WDSUB1: variants seen among roughly 807,000 people sequenced by gnomAD.
WDSUB1 encodes WD repeat, SAM and U-box domain-containing protein 1.
A neutral mutation model predicts 53.9 loss-of-function variants in WDSUB1; 49 were observed. The observed-to-expected ratio is 0.91, with a 90% CI of 0.72 to 1.15. The LOEUF is 1.15. Among genes scored for constraint, WDSUB1 ranks in the 50% most tolerant of loss-of-function variants. WDSUB1 has a pLI of 0.00. For synonymous variants in WDSUB1, 194 were observed against 200.6 expected (o/e 0.97, Z 0.28); for missense variants, 514 against 562.0 (o/e 0.91, Z 0.86).
chr2:159,239,449 G>T (rs569457498), intron 10 of WDSUB1, among the ~76,000 whole-genome samples: 5 of 151,832 alleles, frequency 3.3e-5, no homozygotes, highest in Non-Finnish European at 7.4e-5. Context: ...TATTCTTTTG[G>T]GCTTTCTACA....
Position 159,248,445 on chromosome 2 carries a change from A to T in WDSUB1, c.1200T>A (p.Leu400=), listed in dbSNP as rs2060871306. 1 of 1,606,120 alleles carries T rather than the reference A, an allele frequency of 6.2e-7. No homozygotes were observed. The highest frequency in any genetic ancestry group is 1.3e-5 in the African/African-American group (1 of 74,318). Residue 400 remains leucine (L), a synonymous_variant, in exon 10 of 11, where the codon CTT becomes CTA. Transcript: ENST00000359774. ...TAAATTCATCAGGAATTCCTGAAGA[A>T]AGGGATTTAACCTTGGTCCTGAGCT... is the stretch of plus-strand genomic sequence containing the variant. The part of the protein sequence containing the change: ...IEELRTKVKS[L]SSGIPDEFIC...
intron 9 of WDSUB1, among the ~76,000 whole-genome samples, chr2:159,250,816 G>T (rs1300783326): frequency 6.6e-6 from 1 of 152,306 alleles, no homozygotes; most frequent in East Asian, 1.9e-4. Flanking sequence ...ATTAGAGGAT[G>T]AGATGGTAGA....
intron 1 of WDSUB1, among the ~76,000 whole-genome samples, chr2:159,284,811 C>T (rs2061752598): frequency 6.6e-6 from 1 of 152,216 alleles, no homozygotes; most frequent in African/African-American, 2.4e-5. Flanking sequence ...CTTCTCAGAT[C>T]TCAACTCTGG....
chr2:159,264,629 T>C (rs2061298899), intron 5 of WDSUB1, among the ~76,000 whole-genome samples: 1 of 152,164 alleles, frequency 6.6e-6, no homozygotes, highest in South Asian at 2.1e-4. Context: ...CGCTGGGCCA[T>C]GGAGCTGAGC....
intron 5 of WDSUB1, among the ~76,000 whole-genome samples, chr2:159,262,601 T>C (rs563072688): frequency 5.9e-5 from 9 of 152,330 alleles, no homozygotes; most frequent in Admixed American, 5.2e-4. Context: ...TCACTTCCTA[T>C]TGCCTTTAGT....
intron 5 of WDSUB1, among the ~76,000 whole-genome samples, chr2:159,261,814 A>T (rs2061194074): frequency 7.7e-6 from 1 of 130,622 alleles, no homozygotes; most frequent in Admixed American, 8.2e-5. Flanking sequence ...AGATTATATG[A>T]TGAGATGAAA....
intron 9 of WDSUB1, among the ~76,000 whole-genome samples, chr2:159,250,111 G>C (rs1451265991): frequency 1.1e-5 from 1 of 92,776 alleles, no homozygotes; most frequent in Non-Finnish European, 3.1e-5. Flanking sequence ...AAAAAAAGAA[G>C]GGAAGGGAAA....
intron 9 of WDSUB1, 83 bp downstream of exon 9, chr2:159,256,112 GA>G: frequency 3.0e-6 from 4 of 1,323,434 alleles, no homozygotes; most frequent in Non-Finnish European, 4.1e-6. Context: ...ACATTAAGAA[GA>G]AACCATTAAT....
At chr2:159,285,405 T>C (rs2061770090) in intron 1 of WDSUB1, among the ~76,000 whole-genome samples, 1 of 111,640 alleles carries the variant, frequency 9.0e-6, no homozygotes, top group Non-Finnish European at 1.9e-5. Flanking sequence ...CGGAAACACC[T>C]CTACCAAAGA....
chr2:159,245,332 A>G (rs1470410217), intron 10 of WDSUB1, among the ~76,000 whole-genome samples: 1 of 152,136 alleles, frequency 6.6e-6, no homozygotes, highest in African/African-American at 2.4e-5. Flanking sequence ...GTTCAAGACC[A>G]GCCTGACCAA....
intron 10 of WDSUB1, among the ~76,000 whole-genome samples, chr2:159,247,721 A>T (rs1382971951): frequency 6.6e-6 from 1 of 151,108 alleles, no homozygotes; most frequent in Non-Finnish European, 1.5e-5. Flanking sequence ...TTACAGTGTA[A>T]AGATTTGCAA....
At chr2:159,246,853 C>G (rs1199208580) in intron 10 of WDSUB1, among the ~76,000 whole-genome samples, 1 of 152,154 alleles carries the variant, frequency 6.6e-6, no homozygotes, top group East Asian at 1.9e-4. Context: ...ATCTGGAAAG[C>G]TGAGAAAAAG....
chr2:159,246,356 C>T (rs7573995), intron 10 of WDSUB1, among the ~76,000 whole-genome samples: 53,083 of 149,022 alleles, frequency 0.36, 12,299 homozygotes, highest in Non-Finnish European at 0.54. Flanking sequence ...GGTGTGAACC[C>T]GAGAGGCGGA....
chr2:159,247,916 T>TAA (rs2060848782), intron 10 of WDSUB1, among the ~76,000 whole-genome samples: 1 of 73,502 alleles, frequency 1.4e-5, no homozygotes, highest in African/African-American at 7.6e-5. Flanking sequence ...TATAAATATA[T>TAA]ATATATATAT....
At position 159,236,208 on chromosome 2, in the gene WDSUB1, C is replaced by G; in HGVS notation, c.1274-18G>C. The G allele has an allele frequency of 6.3e-7, 1 of 1,583,398 alleles. No individual in the cohort carries two copies. The highest frequency in any genetic ancestry group is 1.2e-5 in the South Asian group (1 of 86,324). On this transcript the variant is annotated intron_variant, in intron 10 of 10. Transcript: ENST00000359774. Reference sequence around the variant, plus strand: ...ATAGCCATCTAAAAAAAAAAAATCACACAAATTACATGATGTAGGAAAGGG... The same window carrying G: ...ATAGCCATCTAAAAAAAAAAAATCAGACAAATTACATGATGTAGGAAAGGG...
chr2:159,263,052 AAT>A (rs1030145541), intron 5 of WDSUB1, among the ~76,000 whole-genome samples: 1 of 152,178 alleles, frequency 6.6e-6, no homozygotes, highest in African/African-American at 2.4e-5. Flanking sequence ...CTCACTCAAG[AAT>A]ACAAGAGAAA....
intron 3 of WDSUB1, 22 bp from the exon 4 acceptor site, chr2:159,275,660 TAC>T (rs1264563716): frequency 7.0e-6 from 11 of 1,563,788 alleles, no homozygotes; most frequent in Non-Finnish European, 8.6e-6. Context: ...TAAAAATAAA[TAC>T]AGAGAATTTG....
intron 5 of WDSUB1, among the ~76,000 whole-genome samples, chr2:159,261,880 ATATATATATATATATATTT>A (rs1424115954): frequency 5.2e-5 from 1 of 19,078 alleles, no homozygotes; most frequent in African/African-American, 3.4e-4. Flanking sequence ...ATATATATAT[ATATATATATATATATATTT>A]TTTTTTTTTT....
chr2:159,239,495 G>GT (rs929404276), intron 10 of WDSUB1, among the ~76,000 whole-genome samples: 4 of 129,564 alleles, frequency 3.1e-5, no homozygotes, highest in Non-Finnish European at 4.5e-5. Flanking sequence ...TCCCTTTCAA[G>GT]TTTTTTTTGG....
Sources: gnomAD v4.1 joint callset for allele counts (sites outside exome capture counted in the v4.1 genomes callset) on GRCh38, gnomAD v4.1.1 for gene constraint, MANE v1.5 for transcripts, NCBI Gene and HGNC (gene_info 2026-07-23, HGNC 2026-07-21) for gene names.